RAP1GAP2: variants seen among roughly 807,000 people sequenced by gnomAD.
The protein encoded by RAP1GAP2 is RAP1 GTPase activating protein 2, also known as rap1 GTPase-activating protein 2.
In RAP1GAP2, 27 loss-of-function variants were observed where a neutral mutation model predicts 95.0. The ratio of observed to expected loss-of-function variants is 0.28; its 90% CI spans 0.21 to 0.39. RAP1GAP2 has a LOEUF of 0.39. Among genes scored for constraint, RAP1GAP2 ranks in the 10% least tolerant of loss-of-function variants. The pLI is 1.00. For synonymous variants in RAP1GAP2, 373 were observed against 380.9 expected (o/e 0.98, Z 0.24); for missense variants, 771 against 970.0 (o/e 0.79, Z 2.72).
chr17:2,926,178 T>TG (rs983522035), intron 3 of RAP1GAP2, among the ~76,000 whole-genome samples: 1 of 149,262 alleles, frequency 6.7e-6, no homozygotes, highest in Non-Finnish European at 1.5e-5. Flanking sequence ...GGCTGAGCCC[T>TG]GGGGGTAACT....
At chr17:3,000,336 A>G (rs1468848079) in intron 14 of RAP1GAP2, among the ~76,000 whole-genome samples, 2 of 152,234 alleles carry the variant, frequency 1.3e-5, no homozygotes, top group African/African-American at 4.8e-5. Context: ...TGGTTGAAGC[A>G]AGTTGACTTA....
Position 2,844,898 on chromosome 17 carries a change from C to T in RAP1GAP2, c.80+44348C>T, listed in dbSNP as rs115330949. Among the ~76,000 whole-genome samples, 649 of 152,186 alleles carry T rather than the reference C, an allele frequency of 4.3e-3. 3 individuals are homozygous for T. Among genetic ancestry groups the T allele is most frequent in the African/African-American group, 0.015 (613 of 41,514 alleles). Reference sequence around the variant, plus strand: ...AAATAAATTAGAATTTATTAGGAGTCGGGTAAAAGGGTCCCCAACCTATAA... The same window carrying T: ...AAATAAATTAGAATTTATTAGGAGTTGGGTAAAAGGGTCCCCAACCTATAA... On this transcript the variant is annotated intron_variant, in intron 2 of 24. Transcript: ENST00000254695.
intron 14 of RAP1GAP2, 135 bp downstream of exon 14, chr17:2,998,511 C>T (rs2046043655): frequency 7.8e-6 from 9 of 1,158,664 alleles, no homozygotes; most frequent in Middle Eastern, 3.0e-4. Flanking sequence ...GGGTTTGGAG[C>T]TAGATTCTGG....
At chr17:2,950,002 C>T (rs2043855838) in intron 3 of RAP1GAP2, among the ~76,000 whole-genome samples, 1 of 152,112 alleles carries the variant, frequency 6.6e-6, no homozygotes, top group South Asian at 2.1e-4. Context: ...ACTGTGCCAG[C>T]CCCAGGCCAT....
Position 3,026,079 on chromosome 17 carries a change from C to T in RAP1GAP2, c.1823C>T (p.Ser608Leu), listed in dbSNP as rs367794177. 5 of 1,613,426 alleles carry T rather than the reference C, an allele frequency of 3.1e-6. No homozygotes were observed. The African/African-American group carries it at 6.7e-5, about 22-fold the overall frequency. ...TCTCAGGAGATAAAGTCTGAGACCT[C>T]ATCCAATCCCAGCTCTCCGGAAATC... is the stretch of plus-strand genomic sequence containing the variant. ...HSSQEIKSET[S>L]SNPSSPEICP... Residue 608 changes from serine to leucine, a missense_variant, in exon 20 of 25, where the codon TCA becomes TTA. Ser to Leu is a moderately radical substitution (Grantham distance 145). Coordinates refer to ENST00000254695, the MANE Select transcript of RAP1GAP2 (RefSeq NM_015085.5).
Position 2,965,833 on chromosome 17 carries a change from C to T in RAP1GAP2, c.596+190C>T, listed in dbSNP as rs1471143074. 3.4e-6 allele frequency: 2 copies of T among 585,008 alleles called. No homozygotes were observed. Among genetic ancestry groups the T allele is most frequent in the South Asian group, 2.0e-5 (1 of 48,898 alleles). The allele number at this position is 585,008 out of a possible 1,614,324, so 36.2% of individuals were successfully genotyped here. A position where few individuals can be genotyped will look rare whatever the true frequency, so the allele number is the denominator to read the frequency against. ...TGCCTAGCAGGGAGACCCACGCGCT[C>T]CACCAGTTAGCTGACAGTCAGAGGG... is the stretch of plus-strand genomic sequence containing the variant. On this transcript the variant is annotated intron_variant, in intron 8 of 24. Transcript: ENST00000254695. This position sits in a 1 kb window ranked among gnomAD's most constrained non-coding sequence, Gnocchi z 4.7.
chr17:2,826,992 G>A lies in RAP1GAP2; in HGVS notation c.80+26442G>A, dbSNP rs190127697. On this transcript the variant is annotated intron_variant, in intron 2 of 24. Coordinates refer to ENST00000254695, the MANE Select transcript of RAP1GAP2 (RefSeq NM_015085.5). ...CTGCACTTCAGCCTGGTGTCACAGC[G>A]AGACTCCGTTTCGAGAGAGAGAGAG... is the stretch of plus-strand genomic sequence containing the variant. Among the ~76,000 whole-genome samples, 100 of 152,210 alleles carry A rather than the reference G, an allele frequency of 6.6e-4. 1 individual carries two copies. The East Asian group carries it at 0.014, about 21-fold the overall frequency.
chr17:2,885,036 T>C lies in RAP1GAP2; in HGVS notation c.81-20248T>C, dbSNP rs960333171. 3.5e-5 allele frequency among the ~76,000 whole-genome samples: 5 copies of C among 143,638 alleles called. No individual in the cohort carries two copies. In the East Asian group the frequency reaches 6.0e-4, roughly 17 times the overall value. The allele number at this position is 143,638 out of a possible 152,430, so 94.2% of individuals were successfully genotyped here. The stretch of plus-strand genomic sequence containing the variant: ...ATTTCTTTTATTTCTTTCTTTTTTT[T>C]TTTTTTTTTTTTTTTGAGATGGAGT... On this transcript the variant is annotated intron_variant, in intron 2 of 24. Transcript: ENST00000254695.
intron 2 of RAP1GAP2, among the ~76,000 whole-genome samples, chr17:2,859,090 C>T (rs924382997): frequency 1.2e-4 from 18 of 148,436 alleles, no homozygotes; most frequent in African/African-American, 4.2e-4. Flanking sequence ...GTCTCTTAAT[C>T]TGTATTTTCC....
At chr17:2,785,715 T>G (rs1216474520) in intron 1 of RAP1GAP2, among the ~76,000 whole-genome samples, 3 of 152,114 alleles carry the variant, frequency 2.0e-5, no homozygotes, top group Non-Finnish European at 2.9e-5. Flanking sequence ...GACGCGAGTC[T>G]GCCGATGCTC....
intron 3 of RAP1GAP2, among the ~76,000 whole-genome samples, chr17:2,953,260 A>T (rs1051406057): frequency 2.0e-5 from 3 of 150,712 alleles, no homozygotes; most frequent in Admixed American, 1.3e-4. Context: ...GTACAGTGTC[A>T]TGATCATAGC....
intron 2 of RAP1GAP2, among the ~76,000 whole-genome samples, chr17:2,822,754 G>A (rs1016245903): frequency 3.4e-5 from 5 of 147,462 alleles, no homozygotes; most frequent in African/African-American, 1.3e-4. Context: ...TGTGCACAAC[G>A]TGCAGGTTTG....
intron 10 of RAP1GAP2, among the ~76,000 whole-genome samples, chr17:2,983,348 T>C (rs4790404): frequency 0.53 from 80,180 of 151,966 alleles, 22,039 homozygotes; most frequent in African/African-American, 0.69. Context: ...CCTTTCACAC[T>C]GGTGCCTTTT....
intron 17 of RAP1GAP2, among the ~76,000 whole-genome samples, chr17:3,013,303 G>T (rs560049797): frequency 2.6e-4 from 39 of 152,344 alleles, no homozygotes; most frequent in African/African-American, 7.7e-4. Context: ...CTTGGTCTTT[G>T]GCGTCTTTGC....
At chr17:2,864,053 C>G (rs1432470732) in intron 2 of RAP1GAP2, among the ~76,000 whole-genome samples, 1 of 143,976 alleles carries the variant, frequency 6.9e-6, no homozygotes, top group East Asian at 2.0e-4. Context: ...ACTCTGTCCC[C>G]CTCAAAAAAA....
intron 7 of RAP1GAP2, 116 bp downstream of exon 7, chr17:2,964,184 T>A: frequency 1.2e-6 from 1 of 809,532 alleles, no homozygotes; most frequent in Non-Finnish European, 1.7e-6. Context: ...TGTGGGAGGC[T>A]GTGGGAGAGG....
intron 2 of RAP1GAP2, among the ~76,000 whole-genome samples, chr17:2,897,719 G>T (rs994785751): frequency 6.6e-6 from 1 of 151,976 alleles, no homozygotes; most frequent in Non-Finnish European, 1.5e-5. Context: ...TGGAAGTGGG[G>T]CCTCTTCCTT....
At chr17:3,017,509 A>G (rs906558422) in intron 17 of RAP1GAP2, among the ~76,000 whole-genome samples, 5 of 152,178 alleles carry the variant, frequency 3.3e-5, no homozygotes, top group Admixed American at 6.5e-5. Flanking sequence ...GCATATTCCA[A>G]GTTGCCCAGA....
chr17:2,914,917 G>C (rs7210588), intron 3 of RAP1GAP2, among the ~76,000 whole-genome samples: 3,896 of 150,622 alleles, frequency 0.026, 174 homozygotes, highest in African/African-American at 0.089. Flanking sequence ...TCAGTCCCCC[G>C]AGTAGCTGGG....
Sources: gnomAD v4.1 joint callset for allele counts (sites outside exome capture counted in the v4.1 genomes callset) on GRCh38, gnomAD v4.1.1 for gene constraint, Gnocchi (gnomAD v3.1) non-coding constraint, MANE v1.5 for transcripts, NCBI Gene and HGNC (gene_info 2026-07-23, HGNC 2026-07-21) for gene names.